Variants in METTL15 observed in about 807,000 individuals in gnomAD.
METTL15 encodes the protein 12S rRNA N(4)-cytidine methyltransferase METTL15.
METTL15 carries 34 observed loss-of-function variants against 38.3 expected under a neutral mutation model. The observed-to-expected ratio is 0.89, with a 90% CI of 0.68 to 1.18. The LOEUF (loss-of-function observed/expected upper bound fraction) is 1.18, where lower values mean the gene tolerates loss of function less well. METTL15 is among the 50% of genes most tolerant of loss of function. METTL15 has a pLI of 0.00. For synonymous variants in METTL15, 162 were observed against 170.9 expected (o/e 0.95, Z 0.41); for missense variants, 438 against 498.4 (o/e 0.88, Z 1.15).
Position 28,134,782 on chromosome 11 carries a change from G to C in METTL15, c.270+21178G>C, listed in dbSNP as rs148266270. Reference sequence around the variant, plus strand: ...GACATATATCAAAACGAAACAAGGGGTTAAGGACTGCTCAAAAATCCCAAG... The same window carrying C: ...GACATATATCAAAACGAAACAAGGGCTTAAGGACTGCTCAAAAATCCCAAG... On this transcript the variant is annotated intron_variant, in intron 3 of 6. Coordinates refer to ENST00000407364, the MANE Select transcript of METTL15 (RefSeq NM_001113528.2). The C allele has an allele frequency of 3.2e-3, 1,249 of 389,406 alleles. 16 individuals carry two copies. In the South Asian group the frequency reaches 0.039, roughly 12 times the overall value. The allele number at this position is 389,406 out of a possible 1,614,324, so 24.1% of individuals were successfully genotyped here. A position where few individuals can be genotyped will look rare whatever the true frequency, so the allele number is the denominator to read the frequency against.
chr11:28,133,194 T>G (rs1480354989), intron 3 of METTL15, among the ~76,000 whole-genome samples: 1 of 152,144 alleles, frequency 6.6e-6, no homozygotes, highest in Non-Finnish European at 1.5e-5. Flanking sequence ...AAAAATTGAT[T>G]TTAAAATGTC....
In METTL15 at chr11:28,314,942, T is replaced by C. The variant is rs139097481; in HGVS notation, c.779-15454T>C. ...TGCTCCTCATTGCCTTCTACTATGA[T>C]TGTGAGGCTTCCGCAGCCATGTGGA... is the stretch of plus-strand genomic sequence containing the variant. On this transcript the variant is annotated intron_variant, in intron 6 of 6. Transcript: ENST00000407364. Among the ~76,000 whole-genome samples the C allele has an allele frequency of 6.2e-4, 95 of 152,326 alleles. 1 individual carries two copies. The highest frequency in any genetic ancestry group is 2.2e-3 in the African/African-American group (91 of 41,574).
At chr11:28,397,471 A>C (rs1018086619) in intron 5 of METTL15, among the ~76,000 whole-genome samples, 1 of 152,240 alleles carries the variant, frequency 6.6e-6, no homozygotes, top group Non-Finnish European at 1.5e-5. Flanking sequence ...TTATGCAGCC[A>C]AAAGACACAT....
chr11:28,127,246 C>G (rs1565110413), intron 3 of METTL15, among the ~76,000 whole-genome samples: 1 of 151,998 alleles, frequency 6.6e-6, no homozygotes, highest in Non-Finnish European at 1.5e-5. Context: ...ATAGTTGAGA[C>G]ATTGGAGAAG....
intron 5 of METTL15, among the ~76,000 whole-genome samples, chr11:28,370,304 A>ATGGAATAT (rs1554915195): frequency 2.0e-5 from 3 of 151,012 alleles, no homozygotes; most frequent in Non-Finnish European, 4.4e-5. Flanking sequence ...GAGTGAGAAC[A>ATGGAATAT]TGCAATATTT....
At chr11:28,224,850 A>T (rs1014153939) in intron 4 of METTL15, among the ~76,000 whole-genome samples, 7 of 151,472 alleles carry the variant, frequency 4.6e-5, no homozygotes, top group African/African-American at 1.7e-4. Flanking sequence ...TGTATTTTTA[A>T]TTTTTGTGTT....
intron 3 of METTL15, among the ~76,000 whole-genome samples, chr11:28,132,920 T>TA (rs775446964): frequency 2.0e-5 from 3 of 152,210 alleles, no homozygotes; most frequent in Non-Finnish European, 4.4e-5. Context: ...AACAAGAAGA[T>TA]ACATTTTTTT....
At chr11:28,145,804 G>C (rs1849862750) in intron 3 of METTL15, 1 of 151,820 alleles carries the variant, frequency 6.6e-6, no homozygotes, top group African/African-American at 2.4e-5. Flanking sequence ...TTTTTTTGAA[G>C]AATCATTTAA....
In METTL15 at chr11:28,392,589, G is replaced by A. The variant is rs1212971680; in HGVS notation, c.*358+30553G>A. On this transcript the variant is annotated intron_variant and NMD_transcript_variant, in intron 5 of 7. Transcript: ENST00000532947. ...ATATAGGGGAAAGCTTCATGATATT[G>A]GATTTTGCAGTGATTTATTGGATAT... is the stretch of plus-strand genomic sequence containing the variant. Among the ~76,000 whole-genome samples, 3 of 152,026 alleles carry A rather than the reference G, an allele frequency of 2.0e-5. No individual in the cohort carries two copies. In the East Asian group the frequency reaches 5.8e-4, roughly 29 times the overall value.
chr11:28,505,081 T>C (rs1246861721), intron 6 of METTL15, among the ~76,000 whole-genome samples: 1 of 152,200 alleles, frequency 6.6e-6, no homozygotes, highest in African/African-American at 2.4e-5. Flanking sequence ...GAGCCAGGAC[T>C]GGACCTGGTG....
intron 4 of METTL15, among the ~76,000 whole-genome samples, chr11:28,283,804 A>G (rs1856148957): frequency 6.6e-6 from 1 of 152,212 alleles, no homozygotes; most frequent in African/African-American, 2.4e-5. Context: ...CTGGATCACA[A>G]GCAACATTCT....
chr11:28,289,462 G>A (rs1034531403), intron 4 of METTL15, among the ~76,000 whole-genome samples: 1 of 152,096 alleles, frequency 6.6e-6, no homozygotes. Flanking sequence ...TGAGAGCATT[G>A]CCCAATTTTC....
chr11:28,314,455 A>T (rs770683376), intron 6 of METTL15, among the ~76,000 whole-genome samples: 1 of 152,208 alleles, frequency 6.6e-6, no homozygotes, highest in African/African-American at 2.4e-5. Context: ...TCTGGGATCA[A>T]TAATGCATGC....
intron 4 of METTL15, among the ~76,000 whole-genome samples, chr11:28,352,906 A>C (rs1220274915): frequency 6.6e-6 from 1 of 152,248 alleles, no homozygotes; most frequent in Non-Finnish European, 1.5e-5. Flanking sequence ...CCTAGTTTAT[A>C]ATATCAGTTG....
chr11:28,519,341 G>A (rs2133509703), intron 6 of METTL15: 1 of 152,362 alleles, frequency 6.6e-6, no homozygotes, highest in Admixed American at 6.5e-5. Flanking sequence ...GGATCACGAG[G>A]TCAGGAGATC....
intron 3 of METTL15, chr11:28,197,491 G>A (rs933181134): frequency 8.9e-6 from 4 of 449,596 alleles, no homozygotes; most frequent in Non-Finnish European, 1.9e-5. Context: ...TCCTGGTGAT[G>A]TGGACTAGGA....
At chr11:28,216,026 G>A (rs911720571) in intron 4 of METTL15, among the ~76,000 whole-genome samples, 9 of 152,122 alleles carry the variant, frequency 5.9e-5, no homozygotes, top group African/African-American at 2.2e-4. Context: ...ATGGATGGAT[G>A]CATGCATGGA....
intron 6 of METTL15, among the ~76,000 whole-genome samples, chr11:28,498,327 T>G (rs1851553314): frequency 6.6e-6 from 1 of 151,762 alleles, no homozygotes; most frequent in Non-Finnish European, 1.5e-5. Flanking sequence ...CCCGGCTAAT[T>G]TTTTGTATTT....
intron 6 of METTL15, among the ~76,000 whole-genome samples, chr11:28,486,394 T>C (rs1851439686): frequency 6.7e-6 from 1 of 149,424 alleles, no homozygotes; most frequent in Non-Finnish European, 1.5e-5. Context: ...GTTTTTTCCT[T>C]TTTTTTTTTC....
Sources: gnomAD v4.1 joint callset for allele counts (sites outside exome capture counted in the v4.1 genomes callset) on GRCh38, gnomAD v4.1.1 for gene constraint, MANE v1.5 for transcripts, NCBI Gene and HGNC (gene_info 2026-07-23, HGNC 2026-07-21) for gene names.